KRT75: variants seen among roughly 807,000 people sequenced by gnomAD.
KRT75 encodes the protein keratin 75.
A neutral mutation model predicts 48.8 loss-of-function variants in KRT75; 35 were observed. The ratio of observed to expected loss-of-function variants is 0.72; its 90% CI spans 0.55 to 0.95. The LOEUF is 0.95. Among genes scored for constraint, KRT75 ranks in the 40% least tolerant of loss-of-function variants. The pLI, the probability that KRT75 is intolerant of heterozygous loss-of-function variation, is 0.00. For synonymous variants in KRT75, 301 were observed against 282.3 expected (o/e 1.07, Z -0.66); for missense variants, 776 against 709.9 (o/e 1.09, Z -1.06).
chr12:52,424,326 G>T lies in KRT75; in HGVS notation c.*191C>A. ...TTGGTTTCACATGTGTAACAGACGGGTGCTGCTGGCAGTCTGGGCACTGTC... is the reference window on the plus strand; with the variant it reads ...TTGGTTTCACATGTGTAACAGACGGTTGCTGCTGGCAGTCTGGGCACTGTC... On this transcript the variant is annotated 3_prime_UTR_variant, in exon 9 of 9. Coordinates refer to ENST00000252245, the MANE Select transcript of KRT75 (RefSeq NM_004693.3). 2.8e-6 allele frequency: 2 copies of T among 709,374 alleles called. No individual in the cohort carries two copies. Among genetic ancestry groups the T allele is most frequent in the Admixed American group, 1.9e-5 (1 of 53,896 alleles). The allele number at this position is 709,374 out of a possible 1,614,324, so 43.9% of individuals were successfully genotyped here.
intron 8 of KRT75, among the ~76,000 whole-genome samples, chr12:52,426,276 TG>T (rs1940075197): frequency 6.6e-6 from 1 of 152,246 alleles, no homozygotes; most frequent in African/African-American, 2.4e-5. Context: ...TATTTTATGC[TG>T]CCCTTACTGC....
Position 52,424,196 on chromosome 12 carries a change from C to A in KRT75, c.*321G>T. 2.3e-6 allele frequency: 1 copy of A among 441,824 alleles called. No individual in the cohort carries two copies. Among genetic ancestry groups the A allele is most frequent in the Admixed American group, 3.4e-5 (1 of 29,046 alleles). 27.4% of individuals were successfully genotyped at this position (441,824 alleles called of 1,614,324 possible). On this transcript the variant is annotated 3_prime_UTR_variant, in exon 9 of 9. Transcript: ENST00000252245. ...AACCTGGCATTGAGAGACTCCCCAG[C>A]CTCTGCATCTGGAGGGAGGGAGGGA... is the stretch of plus-strand genomic sequence containing the variant.
chr12:52,433,380 C>A (rs1940171654), intron 1 of KRT75, 128 bp from the exon 2 acceptor site: 2 of 847,004 alleles, frequency 2.4e-6, no homozygotes, highest in South Asian at 3.1e-5. Flanking sequence ...ATGTAACTGA[C>A]AACTCCAACC....
In KRT75 at chr12:52,428,664, C is replaced by A. The variant is rs747789984; in HGVS notation, c.1115G>T (p.Arg372Leu). ...CTCAGCTCTCAGCCTCTGGATCATGCGGTTCATTTCAGAGATCTCTTGTTT... is the reference window on the plus strand; with the variant it reads ...CTCAGCTCTCAGCCTCTGGATCATGAGGTTCATTTCAGAGATCTCTTGTTT... ...NTKQEISEMNRMIQRLRAEID... is the reference protein window; with the variant it reads ...NTKQEISEMNLMIQRLRAEID... The change falls in exon 6 of 9, where the codon CGC becomes CTC. Residue 372 changes from arginine to leucine, a missense_variant. Arg to Leu is a moderately radical substitution (Grantham distance 102, BLOSUM62 -2). Transcript: ENST00000252245. 5 of 1,614,206 alleles carry A rather than the reference C, an allele frequency of 3.1e-6. No individual in the cohort carries two copies. Among genetic ancestry groups the A allele is most frequent in the Non-Finnish European group, 4.2e-6 (5 of 1,180,054 alleles).
Position 52,430,642 on chromosome 12 carries a change from G to A in KRT75, c.934C>T (p.Arg312Cys), listed in dbSNP as rs199744850. 5.7e-5 allele frequency: 92 copies of A among 1,614,184 alleles called. No individual in the cohort carries two copies. In the African/African-American group the frequency reaches 6.7e-4, roughly 12 times the overall value. The change falls in exon 5 of 9, where the codon CGC becomes TGC. Residue 312 changes from arginine (R) to cysteine (C), a missense_variant. Coordinates refer to ENST00000252245, the MANE Select transcript of KRT75 (RefSeq NM_004693.3). ...ATGATACTATCCAGGTCCAGGTTGC[G>A]GTTGTTGTCCATGGACAGCACCACG... Reference protein sequence around the residue: ...TSVVLSMDNNRNLDLDSIIAE... With the variant: ...TSVVLSMDNNCNLDLDSIIAE...
At chr12:52,430,483 A>G in intron 5 of KRT75, 58 bp downstream of exon 5, 2 of 1,535,928 alleles carry the variant, frequency 1.3e-6, no homozygotes, top group Non-Finnish European at 1.8e-6. Flanking sequence ...TTAAGTGATA[A>G]TGTGGAGCCT....
Position 52,433,031 on chromosome 12 carries a change from C to A in KRT75, c.713+7G>T, listed in dbSNP as rs1451461519. On this transcript the variant is annotated splice_region_variant and intron_variant, in intron 2 of 8. Coordinates refer to ENST00000252245, the MANE Select transcript of KRT75 (RefSeq NM_004693.3). ...TGTGTGTGGCCAGAAGCCAGTCTCC[C>A]ACTTACCTGACTTTGAAATCTTCCA... 8.1e-6 allele frequency: 13 copies of A among 1,613,738 alleles called. No individual in the cohort carries two copies. The highest frequency in any genetic ancestry group is 1.1e-5 in the Non-Finnish European group (13 of 1,179,910).
At position 52,433,243 on chromosome 12, in the gene KRT75, A is replaced by AGAAC. The variant is rs752562491; in HGVS notation, c.504_507dup (p.Leu170ValfsTer33). 6 of 1,613,914 alleles carry AGAAC rather than the reference A, an allele frequency of 3.7e-6. No homozygotes were observed. In the South Asian group the frequency reaches 6.6e-5, roughly 18 times the overall value. On this transcript the variant is annotated frameshift_variant, in exon 2 of 9. Transcript: ENST00000252245. LOFTEE classifies it high-confidence loss of function. ...TCCAGGACCTTGTTCTGCTGCTCCA[A>AGAAC]GAACCTCACCTGGAGGGAAGAAGAG... is the stretch of plus-strand genomic sequence containing the variant.
At chr12:52,433,314 A>G (rs551779138) in intron 1 of KRT75, 62 bp from the exon 2 acceptor site, 12 of 1,316,284 alleles carry the variant, frequency 9.1e-6, no homozygotes, top group East Asian at 4.6e-5. Context: ...AGACACTCCT[A>G]TTAATAAGGG....
At chr12:52,432,107 G>A (rs781086751) in intron 2 of KRT75, 41 bp from the exon 3 acceptor site, 1 of 1,599,734 alleles carries the variant, frequency 6.3e-7, no homozygotes, top group Non-Finnish European at 8.6e-7. Context: ...GAGCAAGTCT[G>A]CATTGAACTC....
intron 5 of KRT75, among the ~76,000 whole-genome samples, chr12:52,429,048 G>A (rs1424563367): frequency 6.6e-6 from 1 of 152,204 alleles, no homozygotes; most frequent in Non-Finnish European, 1.5e-5. Flanking sequence ...TCTCTCCAGA[G>A]ATGGAGATGC....
chr12:52,424,348 T>A lies in KRT75; in HGVS notation c.*169A>T, dbSNP rs558837710. ...CGGGTGCTGCTGGCAGTCTGGGCAC[T>A]GTCAGGAGGGAGAGGCTGGCTTAGG... On this transcript the variant is annotated 3_prime_UTR_variant, in exon 9 of 9. Transcript: ENST00000252245. 74 of 742,234 alleles carry A rather than the reference T, an allele frequency of 1.0e-4. 1 individual carries two copies. In the South Asian group the frequency reaches 1.1e-3, roughly 11 times the overall value. The allele number at this position is 742,234 out of a possible 1,614,324, so 46.0% of individuals were successfully genotyped here. A position where few individuals can be genotyped will look rare whatever the true frequency, so the allele number is the denominator to read the frequency against.
intron 4 of KRT75, 145 bp downstream of exon 4, chr12:52,431,398 G>A: frequency 1.4e-6 from 1 of 721,970 alleles, no homozygotes. Flanking sequence ...GGTTCTCCCT[G>A]GTCCCCCTAC....
rs777829622 is a variant in KRT75 at position 52,434,308 on chromosome 12, G to A, written c.-4C>T. The A allele has an allele frequency of 6.3e-7, 1 of 1,584,800 alleles. No individual in the cohort carries two copies. Among genetic ancestry groups the A allele is most frequent in the Non-Finnish European group, 8.5e-7 (1 of 1,172,402 alleles). On this transcript the variant is annotated 5_prime_UTR_variant, in exon 1 of 9. Coordinates refer to ENST00000252245, the MANE Select transcript of KRT75 (RefSeq NM_004693.3). The stretch of plus-strand genomic sequence containing the variant: ...TGATGGAGGACTGCCGAGACATGGT[G>A]GGTGAGGAAGGCCGGCGAGAAGGCA...
At chr12:52,424,785 T>C (rs1162376837) in intron 8 of KRT75, 30 bp from the exon 9 acceptor site, 1 of 1,553,018 alleles carries the variant, frequency 6.4e-7, no homozygotes, top group East Asian at 2.2e-5. Flanking sequence ...TGTGGTCAGA[T>C]CAAGTGCAAG....
At chr12:52,426,460 G>A (rs2293638) in intron 8 of KRT75, among the ~76,000 whole-genome samples, 2,234 of 152,256 alleles carry the variant, frequency 0.015, 92 homozygotes, top group East Asian at 0.068. Context: ...CATAAATCCC[G>A]TCTACATCAA....
intron 3 of KRT75, 129 bp from the exon 4 acceptor site, chr12:52,431,767 G>A: frequency 1.2e-6 from 1 of 834,032 alleles, no homozygotes; most frequent in South Asian, 1.5e-5. Context: ...GGGTGATTTG[G>A]GGTTGGGGAT....
Position 52,433,005 on chromosome 12 carries a change from C to T in KRT75, c.713+33G>A, listed in dbSNP as rs562024288. ...CTCACACAAAGGAGCCTTCAGATGG[C>T]TGTGTGTGGCCAGAAGCCAGTCTCC... On this transcript the variant is annotated intron_variant, in intron 2 of 8. Coordinates refer to ENST00000252245, the MANE Select transcript of KRT75 (RefSeq NM_004693.3). 16 of 1,604,436 alleles carry T rather than the reference C, an allele frequency of 1.0e-5. No homozygotes were observed. In the East Asian group the frequency reaches 3.6e-4, roughly 36 times the overall value.
chr12:52,431,685 A>T, intron 3 of KRT75, 47 bp from the exon 4 acceptor site: 1 of 1,346,028 alleles, frequency 7.4e-7, no homozygotes, highest in Non-Finnish European at 1.1e-6. Flanking sequence ...AGCCCCAAGT[A>T]TCTAGTCCAA....
Sources: gnomAD v4.1 joint callset for allele counts (sites outside exome capture counted in the v4.1 genomes callset) on GRCh38, gnomAD v4.1.1 for gene constraint, MANE v1.5 for transcripts, NCBI Gene and HGNC (gene_info 2026-07-23, HGNC 2026-07-21) for gene names.